PRIM1: variants seen among roughly 807,000 people sequenced by gnomAD.
PRIM1 encodes the protein DNA primase subunit 1, also known as DNA primase small subunit.
In PRIM1, 38 loss-of-function variants were observed where a neutral mutation model predicts 60.2. The observed-to-expected ratio is 0.63, with a 90% CI of 0.49 to 0.83. The LOEUF is 0.83. Ranked by LOEUF, PRIM1 falls within the 40% of genes least tolerant of loss-of-function variation. PRIM1 has a pLI of 0.00. For synonymous variants in PRIM1, 158 were observed against 160.2 expected, an observed-to-expected ratio of 0.99 and a Z score of 0.10; for missense variants, 388 against 506.2, an observed-to-expected ratio of 0.77 and a Z score of 2.24.
intron 4 of PRIM1, 101 bp downstream of exon 4, chr12:56,746,674 ACAAATT>A (rs1953910084): frequency 3.7e-6 from 1 of 271,716 alleles, no homozygotes. Context: ...ACACACACAC[ACAAATT>A]AATGAGATTT....
At chr12:56,742,309 C>T (rs1447431084) in intron 7 of PRIM1, among the ~76,000 whole-genome samples, 1 of 151,716 alleles carries the variant, frequency 6.6e-6, no homozygotes, top group African/African-American at 2.4e-5. Context: ...TCCGGCCGGG[C>T]ACAGTGGCTC....
chr12:56,731,750 T>C lies in PRIM1; in HGVS notation c.1244-16A>G, dbSNP rs775060780. 2.7e-6 allele frequency: 4 copies of C among 1,487,306 alleles called. No homozygotes were observed. In the South Asian group the frequency reaches 5.0e-5, roughly 19 times the overall value. 92.1% of individuals were successfully genotyped at this position (1,487,306 alleles called of 1,614,324 possible). A position where few individuals can be genotyped will look rare whatever the true frequency, so the allele number is the denominator to read the frequency against. Reference sequence around the variant, plus strand: ...TTTTGTAAATCTAAAATAGAATAGATAATATATGGAAGAACAGCAAAGGAA... The same window carrying C: ...TTTTGTAAATCTAAAATAGAATAGACAATATATGGAAGAACAGCAAAGGAA... On this transcript the variant is annotated splice_polypyrimidine_tract_variant and intron_variant, in intron 12 of 12. Transcript: ENST00000338193.
At chr12:56,741,044 G>A (rs1423335546) in intron 9 of PRIM1, among the ~76,000 whole-genome samples, 1 of 152,094 alleles carries the variant, frequency 6.6e-6, no homozygotes, top group African/African-American at 2.4e-5. Context: ...AGACTCTGGG[G>A]CTCAAGTGAT....
Position 56,751,768 on chromosome 12 carries a change from C to T in PRIM1, c.103+428G>A, listed in dbSNP as rs529051520. The T allele has an allele frequency of 1.9e-5, 3 of 153,938 alleles. No individual in the cohort carries two copies. In the East Asian group the frequency reaches 5.7e-4, roughly 29 times the overall value. The allele number at this position is 153,938 out of a possible 1,614,324, so 9.5% of individuals were successfully genotyped here. ...ATTTTAAATATGTAATGCCACCCCT[C>T]TCTCCTCGATTCGCACTAATAAATT... On this transcript the variant is annotated intron_variant, in intron 1 of 12. Coordinates refer to ENST00000338193, the MANE Select transcript of PRIM1 (RefSeq NM_000946.3).
intron 5 of PRIM1, among the ~76,000 whole-genome samples, chr12:56,745,355 G>A (rs1275876039): frequency 1.3e-5 from 2 of 151,798 alleles, no homozygotes; most frequent in African/African-American, 4.8e-5. Flanking sequence ...AGGCTGCAGT[G>A]AGCTGTGGTC....
intron 2 of PRIM1, among the ~76,000 whole-genome samples, chr12:56,750,164 G>T (rs1953936226): frequency 1.3e-5 from 2 of 152,224 alleles, no homozygotes; most frequent in South Asian, 4.1e-4. Context: ...AGCCACCAGA[G>T]AATGTTTTCA....
At chr12:56,743,907 T>C (rs1953889063) in intron 6 of PRIM1, 158 bp downstream of exon 6, 1 of 543,950 alleles carries the variant, frequency 1.8e-6, no homozygotes, top group African/African-American at 1.9e-5. Flanking sequence ...GTAAAGCACC[T>C]TTTAGGAATA....
intron 1 of PRIM1, chr12:56,751,673 C>G (rs1357120655): frequency 1.3e-5 from 2 of 153,220 alleles, no homozygotes; most frequent in Non-Finnish European, 2.9e-5. Flanking sequence ...GACCTAGTCC[C>G]TAATTTGAAA....
intron 7 of PRIM1, 155 bp from the exon 8 acceptor site, chr12:56,741,992 C>T: frequency 1.3e-6 from 1 of 745,074 alleles, no homozygotes; most frequent in Non-Finnish European, 2.2e-6. Context: ...GTGGCTCATG[C>T]CTGTACTCCC....
At chr12:56,734,350 AAT>A in intron 11 of PRIM1, 105 bp from the exon 12 acceptor site, 1 of 634,682 alleles carries the variant, frequency 1.6e-6, no homozygotes, top group Non-Finnish European at 2.7e-6. Flanking sequence ...GCCCAATTGA[AAT>A]ATGAGAGAAA....
At position 56,739,313 on chromosome 12, in the gene PRIM1, A is replaced by G; in HGVS notation, c.1033T>C (p.Phe345Leu). 1 of 1,578,140 alleles carries G rather than the reference A, an allele frequency of 6.3e-7. No individual in the cohort carries two copies. The highest frequency in any genetic ancestry group is 2.3e-5 in the East Asian group (1 of 44,166). ...DLQKVDQFDP[F>L]TVPTISFICR... ...ACATACCTTATGGTCGGAACAGTAA[A>G]TGGATCAAACTGGTCCACTTTCTGC... is the stretch of plus-strand genomic sequence containing the variant. Residue 345 changes from phenylalanine (F) to leucine (L), a missense_variant, in exon 10 of 13, where the codon TTT (phenylalanine) becomes CTT (leucine). Phe to Leu is a conservative substitution (Grantham distance 22). This residue lies in a region of PRIM1 where 211 missense variants were observed against 277.9 expected (regional missense o/e 0.76). Coordinates refer to ENST00000338193, the MANE Select transcript of PRIM1 (RefSeq NM_000946.3).
intron 10 of PRIM1, 123 bp downstream of exon 10, chr12:56,739,170 AT>A: frequency 1.6e-6 from 1 of 629,996 alleles, no homozygotes; most frequent in Non-Finnish European, 2.4e-6. Context: ...TTTGAACCTT[AT>A]TTGGTTTCCA....
chr12:56,743,505 T>A (rs1453468089), intron 6 of PRIM1: 1 of 157,942 alleles, frequency 6.3e-6, no homozygotes, highest in Non-Finnish European at 1.4e-5. Flanking sequence ...TTTACAAATA[T>A]GCATCACATT....
chr12:56,734,454 C>T (rs138519544), intron 11 of PRIM1, among the ~76,000 whole-genome samples: 97 of 152,202 alleles, frequency 6.4e-4, no homozygotes, highest in Middle Eastern at 6.8e-3. Context: ...GACTGAAGTA[C>T]AGTGGTTCCG....
chr12:56,734,078 C>A, intron 12 of PRIM1, 69 bp downstream of exon 12: 1 of 1,087,572 alleles, frequency 9.2e-7, no homozygotes, highest in South Asian at 1.5e-5. Flanking sequence ...AAGACTAGAA[C>A]TCAAAAATTG....
chr12:56,749,556 G>C (rs919125618), intron 2 of PRIM1, among the ~76,000 whole-genome samples: 3 of 152,106 alleles, frequency 2.0e-5, no homozygotes, highest in African/African-American at 7.2e-5. Context: ...TAAAGGGGAA[G>C]TAAAACAACT....
In PRIM1 at chr12:56,738,396, C is replaced by T. The variant is rs761460338; in HGVS notation, c.1144+38G>A. 12 of 1,487,816 alleles carry T rather than the reference C, an allele frequency of 8.1e-6. No individual in the cohort carries two copies. The African/African-American group carries it at 8.2e-5, about 10-fold the overall frequency. The allele number at this position is 1,487,816 out of a possible 1,614,324, so 92.2% of individuals were successfully genotyped here. A position where few individuals can be genotyped will look rare whatever the true frequency, so the allele number is the denominator to read the frequency against. ...TGACAGATGGATATCTATATAAAAA[C>T]CCTGTATTTAAAGTGAAGCTTCAAA... On this transcript the variant is annotated intron_variant, in intron 11 of 12. Coordinates refer to ENST00000338193, the MANE Select transcript of PRIM1 (RefSeq NM_000946.3).
chr12:56,751,387 C>T, intron 1 of PRIM1, 192 bp from the exon 2 acceptor site: 1 of 401,120 alleles, frequency 2.5e-6, no homozygotes, highest in Non-Finnish European at 4.5e-6. Context: ...TCAAGGGATC[C>T]TACCACCTCA....
intron 11 of PRIM1, among the ~76,000 whole-genome samples, chr12:56,736,181 C>T (rs2137858470): frequency 6.7e-6 from 1 of 149,456 alleles, no homozygotes; most frequent in African/African-American, 2.5e-5. Flanking sequence ...ACCTGTAACT[C>T]CAGCTACTCA....
Sources: gnomAD v4.1 joint callset for allele counts (sites outside exome capture counted in the v4.1 genomes callset) on GRCh38, gnomAD v4.1.1 for gene constraint, gnomAD v4.1.1 regional missense constraint, MANE v1.5 for transcripts, NCBI Gene and HGNC (gene_info 2026-07-23, HGNC 2026-07-21) for gene names.